The following TUBA1C variants were observed in gnomAD, a reference collection of about 807,000 sequenced individuals.
TUBA1C encodes the protein tubulin alpha 1c.
TUBA1C carries 16 observed loss-of-function variants against 34.9 expected under a neutral mutation model. That is an observed-to-expected ratio of 0.46 (90% CI 0.31 to 0.70). The LOEUF (loss-of-function observed/expected upper bound fraction) is 0.70. Among genes scored for constraint, TUBA1C ranks in the 30% least tolerant of loss-of-function variants. TUBA1C has a pLI of 0.05. For missense variants in TUBA1C, 329 were observed against 587.3 expected (o/e 0.56, Z 4.55); for synonymous variants, 177 against 215.9 (o/e 0.82, Z 1.58).
At chr12:49,239,699 C>G (rs540310568) in intron 1 of TUBA1C, among the ~76,000 whole-genome samples, 1 of 151,986 alleles carries the variant, frequency 6.6e-6, no homozygotes, top group East Asian at 1.9e-4. Flanking sequence ...CTGCGTACTC[C>G]TGTAGTCCCA....
chr12:49,253,454 C>T (rs367694462), intron 1 of TUBA1C, among the ~76,000 whole-genome samples: 469 of 151,546 alleles, frequency 3.1e-3, no homozygotes, highest in African/African-American at 0.011. Flanking sequence ...GTACTGGTTT[C>T]GTAGAGCTAA....
At chr12:49,255,574 T>C (rs887231870) in intron 1 of TUBA1C, among the ~76,000 whole-genome samples, 4 of 152,122 alleles carry the variant, frequency 2.6e-5, no homozygotes, top group Admixed American at 6.6e-5. Context: ...CTTTTTGTTT[T>C]TCGAGACTGA....
At chr12:49,261,700 T>C (rs1415786628), upstream of TUBA1C, among the ~76,000 whole-genome samples, 2 of 152,234 alleles carry the variant, frequency 1.3e-5, no homozygotes, top group African/African-American at 4.8e-5. Flanking sequence ...TCAGCATTAC[T>C]AGTATCTCAG....
upstream of TUBA1C, among the ~76,000 whole-genome samples, chr12:49,261,763 T>C (rs1942842543): frequency 6.6e-6 from 1 of 152,242 alleles, no homozygotes; most frequent in South Asian, 2.1e-4. Context: ...TTTATCTGAA[T>C]TCTTTTCTCT....
At position 49,274,050 on chromosome 12, in the gene TUBA1C, C is replaced by G. The variant is rs1295028554; in HGVS notation, c.*823C>G. On this transcript the variant is annotated 3_prime_UTR_variant, in exon 4 of 4. Coordinates refer to ENST00000301072, the MANE Select transcript of TUBA1C (RefSeq NM_032704.5). ...GCATTCCAGCCTGGGTGACGGAGAC[C>G]CCTGACTCTCAAATTTAAAAACAAA... The G allele has an allele frequency of 1.3e-5, 2 of 152,238 alleles. No homozygotes were observed. Among genetic ancestry groups the G allele is most frequent in the Non-Finnish European group, 2.9e-5 (2 of 68,148 alleles). The allele number at this position is 152,238 out of a possible 1,614,324, so 9.4% of individuals were successfully genotyped here. A position where few individuals can be genotyped will look rare whatever the true frequency, so the allele number is the denominator to read the frequency against.
At chr12:49,249,208 C>T (rs1437904108) in intron 1 of TUBA1C, among the ~76,000 whole-genome samples, 1 of 151,738 alleles carries the variant, frequency 6.6e-6, no homozygotes, top group Non-Finnish European at 1.5e-5. Context: ...CGGGCTGATC[C>T]CCTGAGGTCG....
rs1458482060 is a variant in TUBA1C at position 49,273,532 on chromosome 12, A to C, written c.*305A>C. ...AGCCTCCTAAGTAGCTGGGGACTGC[A>C]GGTGCACACCACCATGCCCAGCTAT... On this transcript the variant is annotated 3_prime_UTR_variant, in exon 4 of 4. Transcript: ENST00000301072. 4 of 430,946 alleles carry C rather than the reference A, an allele frequency of 9.3e-6. No homozygotes were observed. Among genetic ancestry groups the C allele is most frequent in the Non-Finnish European group, 1.7e-5 (4 of 232,316 alleles). The allele number at this position is 430,946 out of a possible 1,614,324, so 26.7% of individuals were successfully genotyped here.
At chr12:49,235,672 C>G (rs1392597609) in intron 1 of TUBA1C, among the ~76,000 whole-genome samples, 1 of 149,036 alleles carries the variant, frequency 6.7e-6, no homozygotes, top group Admixed American at 6.8e-5. Context: ...GCGAAAGTTA[C>G]AGTTCGCCTG....
At chr12:49,251,188 A>G (rs953684728) in intron 1 of TUBA1C, among the ~76,000 whole-genome samples, 1 of 152,180 alleles carries the variant, frequency 6.6e-6, no homozygotes, top group African/African-American at 2.4e-5. Flanking sequence ...GCCTGGGGCA[A>G]CAGAGTGAGA....
At chr12:49,241,625 C>G (rs754856637) in intron 1 of TUBA1C, among the ~76,000 whole-genome samples, 19 of 150,484 alleles carry the variant, frequency 1.3e-4, no homozygotes, top group Non-Finnish European at 2.8e-4. Context: ...TCCCTCCCTC[C>G]CTGCCTTCCT....
intron 1 of TUBA1C, among the ~76,000 whole-genome samples, chr12:49,228,569 T>C (rs1942463298): frequency 6.6e-6 from 1 of 152,328 alleles, no homozygotes; most frequent in Middle Eastern, 3.4e-3. Flanking sequence ...CATGCATGAA[T>C]ACAGGCTATT....
At chr12:49,266,689 A>G (rs1189157869) in intron 1 of TUBA1C, among the ~76,000 whole-genome samples, 1 of 151,856 alleles carries the variant, frequency 6.6e-6, no homozygotes, top group African/African-American at 2.4e-5. Context: ...TCTATACTAA[A>G]AATACAAAAA....
At chr12:49,237,983 C>T (rs1350578357) in intron 1 of TUBA1C, among the ~76,000 whole-genome samples, 1 of 151,832 alleles carries the variant, frequency 6.6e-6, no homozygotes, top group African/African-American at 2.4e-5. Flanking sequence ...GTGGTGGGCG[C>T]CTGTAATCCC....
chr12:49,251,311 T>C (rs1942729931), intron 1 of TUBA1C, among the ~76,000 whole-genome samples: 1 of 152,158 alleles, frequency 6.6e-6, no homozygotes, highest in South Asian at 2.1e-4. Flanking sequence ...AATACAAATA[T>C]TGAACAAATT....
chr12:49,235,706 C>T (rs920815566), intron 1 of TUBA1C, among the ~76,000 whole-genome samples: 4 of 146,312 alleles, frequency 2.7e-5, no homozygotes, highest in Non-Finnish European at 5.9e-5. Flanking sequence ...GCACTCCAGC[C>T]TGGGTGACAG....
chr12:49,270,439 TTTAA>T (rs544812609), intron 3 of TUBA1C, among the ~76,000 whole-genome samples: 4 of 152,214 alleles, frequency 2.6e-5, no homozygotes, highest in East Asian at 1.9e-4. Flanking sequence ...TTTGGATCAC[TTTAA>T]TTAAGAGCCT....
intron 1 of TUBA1C, among the ~76,000 whole-genome samples, chr12:49,254,731 A>G (rs1450241306): frequency 1.3e-5 from 2 of 152,028 alleles, no homozygotes; most frequent in East Asian, 3.9e-4. Context: ...CTCAATCCCT[A>G]GTCCTTCTCC....
intron 1 of TUBA1C, among the ~76,000 whole-genome samples, chr12:49,232,494 C>A (rs1280712610): frequency 6.6e-6 from 1 of 152,130 alleles, no homozygotes; most frequent in African/African-American, 2.4e-5. Flanking sequence ...CACGCCTATT[C>A]CTGATACAGA....
At chr12:49,234,544 C>T (rs1263477889) in intron 1 of TUBA1C, among the ~76,000 whole-genome samples, 3 of 152,336 alleles carry the variant, frequency 2.0e-5, no homozygotes, top group East Asian at 3.9e-4. Flanking sequence ...TGGGCTCGGG[C>T]TCCCACCCGC....
Sources: gnomAD v4.1 joint callset for allele counts (sites outside exome capture counted in the v4.1 genomes callset) on GRCh38, gnomAD v4.1.1 for gene constraint, MANE v1.5 for transcripts, NCBI Gene and HGNC (gene_info 2026-07-23, HGNC 2026-07-21) for gene names.